MED13L: variants seen among roughly 807,000 people sequenced by gnomAD.
The protein encoded by MED13L is mediator complex subunit 13L.
A neutral mutation model predicts 220.9 loss-of-function variants in MED13L; 7 were observed. That is an observed-to-expected ratio of 0.03 (90% confidence interval 0.02 to 0.06). MED13L has a LOEUF of 0.06. Among genes scored for constraint, MED13L ranks in the 10% least tolerant of loss-of-function variants. The pLI is 1.00. For synonymous variants in MED13L, 1,011 were observed against 1,015.2 expected, an observed-to-expected ratio of 1.00 and a Z score of 0.08; for missense variants, 1,965 against 2,760.5, an observed-to-expected ratio of 0.71 and a Z score of 6.46.
chr12:116,200,554 C>T (rs1364192948), intron 2 of MED13L, among the ~76,000 whole-genome samples: 1 of 152,104 alleles, frequency 6.6e-6, no homozygotes, highest in Non-Finnish European at 1.5e-5. Flanking sequence ...TTGACAGGGA[C>T]TATGTTAAAA....
At position 115,987,300 on chromosome 12, in the gene MED13L, G is replaced by A. The variant is rs764151600; in HGVS notation, c.3935-12C>T. The A allele has an allele frequency of 1.6e-5, 26 of 1,610,918 alleles. No homozygotes were observed. The Admixed American group carries it at 4.2e-4, about 26-fold the overall frequency. On this transcript the variant is annotated splice_polypyrimidine_tract_variant and intron_variant, in intron 17 of 30. Coordinates refer to ENST00000281928, the MANE Select transcript of MED13L (RefSeq NM_015335.5). ...GCTGATGTCCAGCACTGGAAGAGAA[G>A]TGAGAAGAAACAGAGAAGATAAGGG... is the stretch of plus-strand genomic sequence containing the variant.
At chr12:115,961,652 C>A in intron 30 of MED13L, 1 of 524,600 alleles carries the variant, frequency 1.9e-6, no homozygotes, top group Non-Finnish European at 3.4e-6. Flanking sequence ...GCGTGGACTG[C>A]AGGTAAAGTA....
chr12:116,127,956 C>T (rs78261057), intron 2 of MED13L, among the ~76,000 whole-genome samples: 3,108 of 152,260 alleles, frequency 0.02, 56 homozygotes, highest in Middle Eastern at 0.051. Context: ...ATTTCAACAG[C>T]ACTGGCCTTC....
At position 115,984,364 on chromosome 12, in the gene MED13L, C is replaced by A; in HGVS notation, c.4347G>T (p.Arg1449Ser). 1 of 1,613,920 alleles carries A rather than the reference C, an allele frequency of 6.2e-7. No homozygotes were observed. The highest frequency in any genetic ancestry group is 8.5e-7 in the Non-Finnish European group (1 of 1,179,954). ...RDLSAVYEMC[R>S]LGQHKPICKV... Reference sequence around the variant, plus strand: ...TGCAGATGGGCTTGTGCTGCCCAAGCCTACACATCTGATATCATAGACAAG... The same window carrying A: ...TGCAGATGGGCTTGTGCTGCCCAAGACTACACATCTGATATCATAGACAAG... The change falls in exon 20 of 31, where the codon AGG becomes AGT. Residue 1449 changes from arginine (R) to serine (S), a missense_variant. Physicochemically the swap from Arg to Ser is moderately radical, Grantham distance 110. Transcript: ENST00000281928.
intron 2 of MED13L, among the ~76,000 whole-genome samples, chr12:116,158,649 G>C (rs368250007): frequency 6.6e-6 from 1 of 152,092 alleles, no homozygotes; most frequent in Non-Finnish European, 1.5e-5. Flanking sequence ...CCAACAAAGT[G>C]ACAGACAAAA....
At chr12:116,232,229 G>A (rs1256700510) in intron 2 of MED13L, 1 of 653,846 alleles carries the variant, frequency 1.5e-6, no homozygotes, top group African/African-American at 2.0e-5. Context: ...ATCTACCCCT[G>A]CACTGACAAT....
chr12:115,972,881 T>C (rs750550980), intron 25 of MED13L, among the ~76,000 whole-genome samples: 3 of 152,198 alleles, frequency 2.0e-5, no homozygotes, highest in Admixed American at 6.5e-5. Flanking sequence ...TGGAGGATTA[T>C]GTTACTCTGA....
At chr12:116,253,780 G>A (rs1207583664) in intron 1 of MED13L, among the ~76,000 whole-genome samples, 1 of 11,098 alleles carries the variant, frequency 9.0e-5, no homozygotes, top group African/African-American at 3.4e-4. Flanking sequence ...TTTTTTTTTT[G>A]AGACAGTCTC....
At chr12:116,128,120 T>A (rs528592334) in intron 2 of MED13L, among the ~76,000 whole-genome samples, 1 of 152,292 alleles carries the variant, frequency 6.6e-6, no homozygotes, top group East Asian at 1.9e-4. Flanking sequence ...CAGACAACTG[T>A]AAGAAATTAT....
chr12:116,202,781 C>G (rs555566528), intron 2 of MED13L, among the ~76,000 whole-genome samples: 1 of 152,328 alleles, frequency 6.6e-6, no homozygotes, highest in African/African-American at 2.4e-5. Context: ...CGTCTCCCCA[C>G]AGATTCACTC....
intron 14 of MED13L, 49 bp from the exon 15 acceptor site, chr12:115,997,279 A>G: frequency 1.3e-6 from 2 of 1,535,014 alleles, no homozygotes; most frequent in African/African-American, 1.4e-5. Context: ...GGGCTTCTAA[A>G]AAGTCCTAGC....
chr12:116,048,105 T>C (rs1881948250), intron 4 of MED13L, among the ~76,000 whole-genome samples: 1 of 152,176 alleles, frequency 6.6e-6, no homozygotes, highest in East Asian at 1.9e-4. Context: ...ACTTTACTTT[T>C]AATTGTTACT....
At chr12:116,261,507 A>G (rs1777053188) in intron 1 of MED13L, among the ~76,000 whole-genome samples, 2 of 151,866 alleles carry the variant, frequency 1.3e-5, no homozygotes, top group Non-Finnish European at 1.5e-5. Flanking sequence ...AAAAAAAAAA[A>G]AAAACTCTGG....
In MED13L at chr12:116,259,149, T is replaced by C. The variant is rs190849384; in HGVS notation, c.72+17911A>G. Among the ~76,000 whole-genome samples the C allele has an allele frequency of 3.5e-3, 533 of 152,230 alleles. 2 individuals are homozygous for C. The highest frequency in any genetic ancestry group is 5.5e-3 in the Non-Finnish European group (371 of 68,002). On this transcript the variant is annotated intron_variant, in intron 1 of 30. Coordinates refer to ENST00000281928, the MANE Select transcript of MED13L (RefSeq NM_015335.5). ...TGATGGTTAAACAAACAATAGTACA[T>C]CCATCTTATGAAACAGGATACAACT...
intron 14 of MED13L, among the ~76,000 whole-genome samples, 169 bp downstream of exon 14, chr12:116,002,834 C>T (rs949935175): frequency 2.0e-5 from 3 of 152,194 alleles, no homozygotes; most frequent in African/African-American, 7.2e-5. Flanking sequence ...ATATGATTAG[C>T]TGCCTGCCAT....
intron 1 of MED13L, among the ~76,000 whole-genome samples, chr12:116,248,312 C>G (rs17498942): frequency 0.15 from 22,916 of 151,990 alleles, 1,941 homozygotes; most frequent in Middle Eastern, 0.22. Context: ...TCAACAGAAC[C>G]AAATGGAAAA....
At chr12:116,020,768 G>A (rs1880012359) in intron 5 of MED13L, among the ~76,000 whole-genome samples, 1 of 152,118 alleles carries the variant, frequency 6.6e-6, no homozygotes, top group African/African-American at 2.4e-5. Context: ...TCATAGCCTT[G>A]AAGTGAGTAC....
intron 2 of MED13L, among the ~76,000 whole-genome samples, chr12:116,156,004 A>G: frequency 6.6e-6 from 1 of 151,796 alleles, no homozygotes; most frequent in East Asian, 1.9e-4. Flanking sequence ...CAACTCAATA[A>G]GGGAAAAATT....
intron 2 of MED13L, among the ~76,000 whole-genome samples, chr12:116,142,851 G>A (rs1877197130): frequency 6.6e-6 from 1 of 152,082 alleles, no homozygotes; most frequent in African/African-American, 2.4e-5. Flanking sequence ...ATAATATGAT[G>A]GAATTATACG....
Sources: gnomAD v4.1 joint callset for allele counts (sites outside exome capture counted in the v4.1 genomes callset) on GRCh38, gnomAD v4.1.1 for gene constraint, MANE v1.5 for transcripts, NCBI Gene and HGNC (gene_info 2026-07-23, HGNC 2026-07-21) for gene names.